The following TENM2 variants were observed in gnomAD, a reference collection of about 807,000 sequenced individuals.
TENM2 encodes teneurin transmembrane protein 2.
Under a neutral mutation model 245.2 loss-of-function variants are expected in TENM2, and 52 were observed. That is an observed-to-expected ratio of 0.21 (90% confidence interval 0.17 to 0.27). The LOEUF (loss-of-function observed/expected upper bound fraction) is 0.27. Among genes scored for constraint, TENM2 ranks in the 10% least tolerant of loss-of-function variants. The pLI is 1.00. For missense variants in TENM2, 3,046 were observed against 3,666.8 expected (o/e 0.83, Z 4.37); for synonymous variants, 1,363 against 1,438.9 (o/e 0.95, Z 1.19).
At chr5:167,080,654 A>G in the TENM2 span, among the ~76,000 whole-genome samples, 8 of 152,250 alleles carry the variant, frequency 5.3e-5, no homozygotes, top group East Asian at 9.7e-4. Context: ...GTAAATAAAT[A>G]TATAAAATAA....
chr5:167,013,348 A>G, the TENM2 span, among the ~76,000 whole-genome samples: 1 of 152,214 alleles, frequency 6.6e-6, no homozygotes, highest in African/African-American at 2.4e-5. Context: ...CAAAAGATTA[A>G]AATGTAAAGA....
chr5:168,133,788 A>G (rs544356400), intron 12 of TENM2, among the ~76,000 whole-genome samples: 2 of 152,276 alleles, frequency 1.3e-5, no homozygotes, highest in African/African-American at 2.4e-5. Flanking sequence ...AAGAAAAGAC[A>G]TGGCTCATCC....
chr5:167,213,392 G>A, the TENM2 span, among the ~76,000 whole-genome samples: 1 of 152,170 alleles, frequency 6.6e-6, no homozygotes, highest in Non-Finnish European at 1.5e-5. Flanking sequence ...CTCCTCACCA[G>A]GCAGAAGGGG....
At chr5:167,587,700 A>G (rs1272779655) in intron 2 of TENM2, among the ~76,000 whole-genome samples, 1 of 152,228 alleles carries the variant, frequency 6.6e-6, no homozygotes, top group African/African-American at 2.4e-5. Flanking sequence ...CTGATTATGT[A>G]TCCGTGGTTT....
intron 2 of TENM2, among the ~76,000 whole-genome samples, chr5:167,582,911 ATTTG>A (rs796144842): frequency 4.3e-4 from 66 of 152,272 alleles, no homozygotes; most frequent in African/African-American, 1.5e-3. Flanking sequence ...TTGTAATTTT[ATTTG>A]TTCTTATGAA....
chr5:167,338,161 G>T (rs1357841103), intron 1 of TENM2, among the ~76,000 whole-genome samples: 1 of 152,144 alleles, frequency 6.6e-6, no homozygotes, highest in East Asian at 1.9e-4. Context: ...TTATTCAGCG[G>T]GCTATAGCAG....
the TENM2 span, among the ~76,000 whole-genome samples, chr5:167,162,506 T>C: frequency 6.6e-6 from 1 of 151,784 alleles, no homozygotes; most frequent in Non-Finnish European, 1.5e-5. Flanking sequence ...CACATGCCTG[T>C]AATCCCAGCT....
the TENM2 span, among the ~76,000 whole-genome samples, chr5:167,130,889 T>C: frequency 3.4e-5 from 3 of 88,830 alleles, no homozygotes; most frequent in Non-Finnish European, 4.1e-5. Flanking sequence ...TGTTAAATGC[T>C]TTTTTTTTTT....
chr5:168,209,401 T>C (rs114949731), intron 19 of TENM2, among the ~76,000 whole-genome samples: 40 of 152,328 alleles, frequency 2.6e-4, no homozygotes, highest in Non-Finnish European at 5.1e-4. Context: ...CAAATCAACA[T>C]TGTAGGGCAG....
chr5:167,351,766 A>T (rs1365970701), intron 1 of TENM2, among the ~76,000 whole-genome samples: 1 of 152,112 alleles, frequency 6.6e-6, no homozygotes, highest in South Asian at 2.1e-4. Context: ...GCCCCAAGTC[A>T]TTATTTAAGG....
intron 2 of TENM2, among the ~76,000 whole-genome samples, chr5:167,744,655 C>T (rs1229032338): frequency 6.6e-6 from 1 of 152,130 alleles, no homozygotes; most frequent in Non-Finnish European, 1.5e-5. Flanking sequence ...CTATTAATAG[C>T]TCTGGCCGCC....
At chr5:167,265,765 A>G in the TENM2 span, among the ~76,000 whole-genome samples, 4 of 152,222 alleles carry the variant, frequency 2.6e-5, no homozygotes, top group African/African-American at 9.6e-5. Flanking sequence ...TGACCTCACA[A>G]TTTCCAAGCA....
chr5:167,679,473 T>C (rs555217856), intron 2 of TENM2, among the ~76,000 whole-genome samples: 7 of 152,178 alleles, frequency 4.6e-5, no homozygotes, highest in Admixed American at 1.3e-4. Context: ...ATTATTTTTA[T>C]TCACTTTAGA....
chr5:167,671,767 T>C (rs1384377299), intron 2 of TENM2, among the ~76,000 whole-genome samples: 2 of 149,570 alleles, frequency 1.3e-5, no homozygotes, highest in Non-Finnish European at 3.0e-5. Flanking sequence ...AGATTATATA[T>C]ATATATTATA....
At chr5:167,237,961 GATCATGCCACTCCATTCCAGCC>G in the TENM2 span, among the ~76,000 whole-genome samples, 2 of 129,606 alleles carry the variant, frequency 1.5e-5, no homozygotes, top group African/African-American at 6.0e-5. Flanking sequence ...AGTGAGCCAA[GATCATGCCACTCCATTCCAGCC>G]TGGGCGACAG....
intron 2 of TENM2, among the ~76,000 whole-genome samples, chr5:167,531,805 GTAA>G (rs1771525292): frequency 6.6e-6 from 1 of 152,084 alleles, no homozygotes; most frequent in Admixed American, 6.6e-5. Context: ...TAGCTTTCTT[GTAA>G]TAAATAATAG....
intron 2 of TENM2, among the ~76,000 whole-genome samples, chr5:167,650,596 A>G (rs1754393929): frequency 6.6e-6 from 1 of 152,204 alleles, no homozygotes; most frequent in African/African-American, 2.4e-5. Context: ...AAGGGTATTT[A>G]GATAACTACA....
At chr5:167,605,833 G>A (rs942842589) in intron 2 of TENM2, among the ~76,000 whole-genome samples, 5 of 152,162 alleles carry the variant, frequency 3.3e-5, no homozygotes, top group African/African-American at 9.7e-5. Flanking sequence ...TCCCGGGAAT[G>A]CACATCAGGA....
chr5:167,976,851 T>G (rs1225035724), intron 4 of TENM2, among the ~76,000 whole-genome samples: 2 of 152,164 alleles, frequency 1.3e-5, no homozygotes, highest in African/African-American at 2.4e-5. Context: ...ATTATTCTAC[T>G]GTAAAGATGC....
Sources: gnomAD v4.1 joint callset for allele counts (sites outside exome capture counted in the v4.1 genomes callset) on GRCh38, gnomAD v4.1.1 for gene constraint, MANE v1.5 for transcripts, NCBI Gene and HGNC (gene_info 2026-07-23, HGNC 2026-07-21) for gene names.